The following WNK3 variants were observed in gnomAD, a reference collection of about 807,000 sequenced individuals.
The protein encoded by WNK3 is serine/threonine-protein kinase WNK3.
WNK3 carries 18 observed loss-of-function variants against 116.7 expected under a neutral mutation model. That is an observed-to-expected ratio of 0.15 (90% CI 0.11 to 0.23). The LOEUF is 0.23. WNK3 is among the 10% of genes least tolerant of loss of function. The pLI is 1.00. For synonymous variants in WNK3, 404 were observed against 469.4 expected (o/e 0.86, Z 1.80); for missense variants, 993 against 1,323.8 (o/e 0.75, Z 3.88).
At chrX:54,320,672 A>T (rs1406858813) in intron 2 of WNK3, among the ~76,000 whole-genome samples, 1 of 108,465 alleles carries the variant, frequency 9.2e-6, no homozygotes, top group Non-Finnish European at 1.9e-5. Flanking sequence ...CTACTGGGAC[A>T]TGCCACTATG....
intron 22 of WNK3, among the ~76,000 whole-genome samples, chrX:54,204,831 C>T (rs1285511989): frequency 8.9e-6 from 1 of 112,262 alleles, no homozygotes; most frequent in Non-Finnish European, 1.9e-5. Context: ...TTTTGCCTAT[C>T]CGTCTTCTCT....
chrX:54,223,997 G>T, intron 22 of WNK3: 1 of 131,223 alleles, frequency 7.6e-6, no homozygotes, highest in Admixed American at 8.3e-5. Flanking sequence ...TCACTAGGGA[G>T]GCAATATCCT....
At chrX:54,297,888 A>C (rs1307535479) in intron 7 of WNK3, among the ~76,000 whole-genome samples, 2 of 110,698 alleles carry the variant, frequency 1.8e-5, no homozygotes, top group Non-Finnish European at 3.8e-5. Flanking sequence ...CCTGACTAAC[A>C]CGGTGAAATC....
intron 10 of WNK3, among the ~76,000 whole-genome samples, chrX:54,271,337 A>C (rs1557159281): frequency 8.9e-6 from 1 of 112,181 alleles, no homozygotes; most frequent in Non-Finnish European, 1.9e-5. Context: ...AAAGACTGTA[A>C]ACTGATTTTT....
Position 54,311,306 on chromosome X carries a change from C to T in WNK3, c.538-15G>A, listed in dbSNP as rs782762609. 1.7e-6 allele frequency: 2 copies of T among 1,183,415 alleles called. No individual in the cohort carries two copies. The highest frequency in any genetic ancestry group is 1.9e-5 in the South Asian group (1 of 53,133). On this transcript the variant is annotated splice_polypyrimidine_tract_variant and intron_variant, in intron 2 of 23. Transcript: ENST00000354646. ...AACTTTCGGTCCTGAAAAGGAATAA[C>T]AAGTTCCAAAATAAAGTCATGAAAA...
intron 3 of WNK3, 113 bp downstream of exon 3, chrX:54,311,006 C>T (rs1186889368): frequency 2.8e-5 from 15 of 539,294 alleles, no homozygotes; most frequent in Admixed American, 9.4e-5. Context: ...GTAGCCACTG[C>T]GCCTGGCCAG....
intron 6 of WNK3, among the ~76,000 whole-genome samples, chrX:54,301,258 A>T (rs1387677842): frequency 5.5e-5 from 6 of 109,049 alleles, no homozygotes; most frequent in African/African-American, 1.7e-4. Flanking sequence ...AAAAAAAAAA[A>T]AAAATTAAAA....
At chrX:54,325,309 C>A (rs184010903) in intron 2 of WNK3, among the ~76,000 whole-genome samples, 5 of 111,397 alleles carry the variant, frequency 4.5e-5, no homozygotes, top group Admixed American at 3.9e-4. Flanking sequence ...AGGCTTATTA[C>A]AAGCACACTC....
intron 17 of WNK3, among the ~76,000 whole-genome samples, chrX:54,244,479 ACT>A (rs1164950091): frequency 3.6e-5 from 4 of 111,579 alleles, no homozygotes; most frequent in African/African-American, 1.3e-4. Flanking sequence ...TCTTTCTAAC[ACT>A]GTTTCAATAA....
chrX:54,353,295 C>T (rs1470971815), intron 1 of WNK3, among the ~76,000 whole-genome samples: 1 of 110,525 alleles, frequency 9.0e-6, no homozygotes, highest in Non-Finnish European at 1.9e-5. Context: ...CCTGTCTCTA[C>T]TAAAATACAA....
chrX:54,319,921 C>T (rs2069009081), intron 2 of WNK3, among the ~76,000 whole-genome samples: 1 of 112,065 alleles, frequency 8.9e-6, no homozygotes, highest in African/African-American at 3.2e-5. Flanking sequence ...ACAGCACTAG[C>T]TAATGAAGCT....
exon 17 of WNK3, chrX:54,248,956 T>A: frequency 8.3e-7 from 1 of 1,211,862 alleles, no homozygotes; most frequent in Non-Finnish European, 1.1e-6. Context: ...ACTCTCGGGA[T>A]AGATGCTAGA....
chrX:54,319,438 T>C lies in WNK3; in HGVS notation c.538-8147A>G, dbSNP rs141737957. 2.4e-3 allele frequency among the ~76,000 whole-genome samples: 267 copies of C among 111,785 alleles called. 4 individuals carry two copies. The East Asian group carries it at 0.067, about 28-fold the overall frequency. On this transcript the variant is annotated intron_variant, in intron 2 of 23. Coordinates refer to ENST00000354646, the Ensembl canonical transcript of WNK3. ...TCAGCCTCCCAAAGTGCTAGGATTA[T>C]AGGCATGAGTCACCATACCTGGCCA...
At chrX:54,313,740 T>G in intron 2 of WNK3, among the ~76,000 whole-genome samples, 1 of 112,384 alleles carries the variant, frequency 8.9e-6, no homozygotes, top group South Asian at 3.6e-4. Flanking sequence ...AAATACATGT[T>G]TGCTTTTTTG....
rs1410036152 is a variant in WNK3, at chrX:54,298,382, C to T, written c.1191G>A (p.Arg397=). The change falls in exon 7 of 24, where the codon AGG becomes AGA. Residue 397 remains arginine, a synonymous_variant. Coordinates refer to ENST00000354646, the Ensembl canonical transcript of WNK3. ...CAAAAAATGCATGGTTTAATAGGTC[C>T]CTGATAGACAACCTAATAAACAAAA... 4.2e-6 allele frequency: 5 copies of T among 1,198,643 alleles called. No individual in the cohort carries two copies. In the African/African-American group the frequency reaches 7.0e-5, roughly 17 times the overall value.
intron 10 of WNK3, among the ~76,000 whole-genome samples, chrX:54,276,612 A>G (rs1557161019): frequency 1.8e-5 from 2 of 111,453 alleles, no homozygotes; most frequent in East Asian, 5.6e-4. Context: ...GGCTGTTTCG[A>G]TATTTGAAAT....
intron 10 of WNK3, among the ~76,000 whole-genome samples, chrX:54,269,240 AAC>A (rs1443947433): frequency 8.9e-6 from 1 of 112,077 alleles, no homozygotes; most frequent in African/African-American, 3.2e-5. Flanking sequence ...TCAAAATTAA[AAC>A]AGACTAAATA....
chrX:54,221,090 G>C lies in WNK3; in HGVS notation c.4870+7624C>G, dbSNP rs142142486. Among the ~76,000 whole-genome samples the C allele has an allele frequency of 9.1e-3, 1,014 of 111,471 alleles. 9 individuals carry two copies. Among genetic ancestry groups the C allele is most frequent in the African/African-American group, 0.032 (984 of 30,725 alleles). ...GATCCAATTTAAGCTAGTCCTTTAT[G>C]TCCTTGTTTTTTAAAAACAAATTCC... On this transcript the variant is annotated intron_variant, in intron 22 of 23. Transcript: ENST00000354646.
intron 17 of WNK3, 134 bp downstream of exon 17, chrX:54,248,563 T>A: frequency 1.9e-6 from 1 of 540,440 alleles, no homozygotes; most frequent in Non-Finnish European, 2.9e-6. Flanking sequence ...GTCATAGCCT[T>A]CTTAAATACC....
Sources: gnomAD v4.1 joint callset for allele counts (sites outside exome capture counted in the v4.1 genomes callset) on GRCh38, gnomAD v4.1.1 for gene constraint, MANE v1.5 for transcripts, NCBI Gene and HGNC (gene_info 2026-07-23, HGNC 2026-07-21) for gene names.